SARS1: variants seen among roughly 807,000 people sequenced by gnomAD.
SARS1 encodes seryl-tRNA synthetase 1, also known as serine--tRNA ligase, cytoplasmic.
In SARS1, 25 loss-of-function variants were observed where a neutral mutation model predicts 63.7. The ratio of observed to expected loss-of-function variants is 0.39; its 90% CI spans 0.29 to 0.55. The LOEUF (loss-of-function observed/expected upper bound fraction) is 0.55, where lower values mean the gene tolerates loss of function less well. Among genes scored for constraint, SARS1 ranks in the 20% least tolerant of loss-of-function variants. The probability of loss-of-function intolerance (pLI) is 0.62; values close to 1 mark genes in which losing one functional copy is unlikely to be tolerated. For synonymous variants in SARS1, 231 were observed against 243.5 expected (o/e 0.95, Z 0.48); for missense variants, 417 against 649.7 (o/e 0.64, Z 3.89).
chr1:109,214,604 C>T lies in SARS1; in HGVS notation c.136+476C>T. ...CTGCAACACAGTAGATTCATTCCTTCGGTATCGGAAGCATTTCGGGGCGTT... is the reference window on the plus strand; with the variant it reads ...CTGCAACACAGTAGATTCATTCCTTTGGTATCGGAAGCATTTCGGGGCGTT... On this transcript the variant is annotated intron_variant, in intron 1 of 10. Transcript: ENST00000234677. This position sits in a 1 kb window ranked among gnomAD's most constrained non-coding sequence, Gnocchi z 4.6. The T allele has an allele frequency of 4.1e-6, 4 of 985,970 alleles. No homozygotes were observed. The highest frequency in any genetic ancestry group is 4.8e-6 in the Non-Finnish European group (4 of 830,282). The allele number at this position is 985,970 out of a possible 1,614,324, so 61.1% of individuals were successfully genotyped here.
intron 2 of SARS1, among the ~76,000 whole-genome samples, chr1:109,226,393 C>A (rs1194043391): frequency 6.7e-6 from 1 of 149,584 alleles, no homozygotes; most frequent in Admixed American, 6.7e-5. Context: ...GCTTTGTTGC[C>A]CAGGCTAGAG....
rs1654735231 is a variant in SARS1 at position 109,214,337 on chromosome 1, C to T, written c.136+209C>T. On this transcript the variant is annotated intron_variant, in intron 1 of 10. Coordinates refer to ENST00000234677, the MANE Select transcript of SARS1 (RefSeq NM_006513.4). The surrounding 1 kb of genome is among the most constrained non-coding windows in gnomAD (Gnocchi z 4.6). ...TCCTCCACCCGGGCGGAGCGAGGTC[C>T]CTTCCACGCGTGCTCAGTGCCGTTC... 6.6e-6 allele frequency among the ~76,000 whole-genome samples: 1 copy of T among 152,220 alleles called. No homozygotes were observed. Among genetic ancestry groups the T allele is most frequent in the Non-Finnish European group, 1.5e-5 (1 of 68,040 alleles).
At position 109,214,109 on chromosome 1, in the gene SARS1, A is replaced by G; in HGVS notation, c.117A>G (p.Ala39=). Residue 39 remains alanine, a synonymous_variant, in exon 1 of 11, where the codon GCA becomes GCG. Transcript: ENST00000234677. This position sits in a 1 kb window ranked among gnomAD's most constrained non-coding sequence, Gnocchi z 4.6. The part of the protein sequence containing the change: ...DPGLVDQLVK[A]DSEWRRCRFR... ...GACTAGTGGACCAGCTGGTGAAGGCAGACAGCGAGTGGCGACGATGTAAGT... is the reference window on the plus strand; with the variant it reads ...GACTAGTGGACCAGCTGGTGAAGGCGGACAGCGAGTGGCGACGATGTAAGT... The G allele has an allele frequency of 6.2e-7, 1 of 1,613,910 alleles. No individual in the cohort carries two copies. The highest frequency in any genetic ancestry group is 1.3e-5 in the African/African-American group (1 of 75,048).
chr1:109,233,305 C>T (rs968324577), intron 6 of SARS1, among the ~76,000 whole-genome samples: 1 of 152,060 alleles, frequency 6.6e-6, no homozygotes, highest in African/African-American at 2.4e-5. Context: ...GCCACTATGC[C>T]CAGCCCAATT....
At chr1:109,228,500 A>G (rs1655139347) in intron 3 of SARS1, 68 bp downstream of exon 3, 1 of 1,097,456 alleles carries the variant, frequency 9.1e-7, no homozygotes, top group Non-Finnish European at 1.4e-6. Context: ...CTAGACAGCA[A>G]GTGCTCTCAC....
In SARS1 at chr1:109,213,942, T is replaced by G. The variant is rs1049935320; in HGVS notation, c.-51T>G. 1.9e-6 allele frequency: 3 copies of G among 1,558,394 alleles called. No homozygotes were observed. The highest frequency in any genetic ancestry group is 2.4e-5 in the South Asian group (2 of 84,758). ...CGCAGTGCGGCGGTCACAGGCTGAGTGCTGCGGCGCGATCCTTGCTTCCCT... is the reference window on the plus strand; with the variant it reads ...CGCAGTGCGGCGGTCACAGGCTGAGGGCTGCGGCGCGATCCTTGCTTCCCT... On this transcript the variant is annotated 5_prime_UTR_variant, in exon 1 of 11. Transcript: ENST00000234677.
At chr1:109,220,372 CCAGTACTTGA>C (rs543552504) in intron 1 of SARS1, among the ~76,000 whole-genome samples, 85 of 152,338 alleles carry the variant, frequency 5.6e-4, no homozygotes, top group African/African-American at 1.9e-3. Flanking sequence ...GGCATTCTTG[CCAGTACTTGA>C]CATTGGCAGT....
intron 2 of SARS1, among the ~76,000 whole-genome samples, chr1:109,226,236 T>C (rs1400148525): frequency 6.6e-6 from 1 of 151,576 alleles, no homozygotes; most frequent in East Asian, 1.9e-4. Context: ...ATGATTTTGC[T>C]CTGAGTCACT....
At chr1:109,216,536 TCTG>T in intron 1 of SARS1, 1 of 985,306 alleles carries the variant, frequency 1.0e-6, no homozygotes, top group Non-Finnish European at 1.2e-6. Context: ...TAACTGGAAA[TCTG>T]CTGCAAACCC....
chr1:109,216,351 G>A, intron 1 of SARS1: 4 of 985,362 alleles, frequency 4.1e-6, no homozygotes, highest in Non-Finnish European at 4.8e-6. Flanking sequence ...GGGTTCCTTT[G>A]GAGAACTCAG....
chr1:109,221,955 T>TTG (rs1654937110), intron 1 of SARS1, among the ~76,000 whole-genome samples: 1 of 11,094 alleles, frequency 9.0e-5, no homozygotes, highest in Non-Finnish European at 1.4e-4. Context: ...GCTCAGCTAA[T>TTG]TTTTTTGTGT....
intron 6 of SARS1, among the ~76,000 whole-genome samples, chr1:109,233,676 T>G (rs1297260947): frequency 6.6e-6 from 1 of 151,810 alleles, no homozygotes; most frequent in Non-Finnish European, 1.5e-5. Context: ...AACTTAGCAT[T>G]ATTTTTAATT....
chr1:109,235,434 G>C lies in SARS1; in HGVS notation c.969+3G>C, dbSNP rs772726786. On this transcript the variant is annotated splice_donor_region_variant and intron_variant, in intron 7 of 10. Coordinates refer to ENST00000234677, the MANE Select transcript of SARS1 (RefSeq NM_006513.4). The surrounding 1 kb of genome is among the most constrained non-coding windows in gnomAD (Gnocchi z 4.7). ...TCCGAGTCCATCAGTTTGAGAAGGT[G>C]AGTAGATGGGTCAGGGTAAGGAGTG... is the stretch of plus-strand genomic sequence containing the variant. The C allele has an allele frequency of 8.1e-6, 13 of 1,609,034 alleles. No homozygotes were observed. The highest frequency in any genetic ancestry group is 1.1e-5 in the Non-Finnish European group (13 of 1,178,122).
intron 2 of SARS1, among the ~76,000 whole-genome samples, chr1:109,226,168 G>A (rs1246413263): frequency 1.0e-5 from 1 of 97,822 alleles, no homozygotes; most frequent in Admixed American, 1.2e-4. Context: ...TTTTTTTGTT[G>A]AGATGGAGTC....
chr1:109,233,339 T>TG (rs1655245374), intron 6 of SARS1, among the ~76,000 whole-genome samples: 2 of 152,154 alleles, frequency 1.3e-5, no homozygotes, highest in African/African-American at 4.8e-5. Context: ...CATGTGTGGC[T>TG]GGCTATACCA....
Position 109,237,770 on chromosome 1 carries a change from T to C in SARS1, c.1427T>C (p.Ile476Thr), listed in dbSNP as rs1655345607. ...ELIPFVKPAP[I>T]EQEPSKKQKK... The stretch of plus-strand genomic sequence containing the variant: ...ATCCCCTTTGTGAAGCCTGCGCCCA[T>C]TGAGCAGGAGCCATCAAAGAAGCAG... The change falls in exon 11 of 11, where the codon ATT becomes ACT. Residue 476 changes from isoleucine to threonine, a missense_variant. By Grantham distance (89) the Ile-to-Thr change is moderately conservative. Around this residue, in one of 3 missense-constraint regions of SARS1, gnomAD observed 43 missense variants for 68.1 expected, o/e 0.63. Transcript: ENST00000234677. This position sits in a 1 kb window ranked among gnomAD's most constrained non-coding sequence, Gnocchi z 4.1. 3.1e-6 allele frequency: 5 copies of C among 1,614,076 alleles called. No homozygotes were observed. Among genetic ancestry groups the C allele is most frequent in the South Asian group, 1.1e-5 (1 of 91,072 alleles).
rs373847424 is a variant in SARS1 at position 109,214,096 on chromosome 1, A to G, written c.104A>G (p.Gln35Arg). 2.6e-5 allele frequency: 42 copies of G among 1,614,128 alleles called. 1 individual carries two copies. In the African/African-American group the frequency reaches 5.5e-4, roughly 21 times the overall value. The change falls in exon 1 of 11, where the codon CAG (glutamine) becomes CGG (arginine). Residue 35 changes from glutamine (Q) to arginine (R), a missense_variant. Physicochemically the swap from Gln to Arg is conservative, Grantham distance 43 (BLOSUM62 1). This residue lies in a region of SARS1 where 359 missense variants were observed against 529.6 expected (regional missense o/e 0.68). Coordinates refer to ENST00000234677, the MANE Select transcript of SARS1 (RefSeq NM_006513.4). The surrounding 1 kb of genome is among the most constrained non-coding windows in gnomAD (Gnocchi z 4.6). ...TTCAAGGACCCGGGACTAGTGGACC[A>G]GCTGGTGAAGGCAGACAGCGAGTGG... The part of the protein sequence containing the change: ...KRFKDPGLVD[Q>R]LVKADSEWRR...
chr1:109,220,161 G>C (rs941117985), intron 1 of SARS1, among the ~76,000 whole-genome samples: 14 of 152,194 alleles, frequency 9.2e-5, no homozygotes, highest in Admixed American at 2.0e-4. Flanking sequence ...TATATTTTGT[G>C]ATAAGAACAT....
chr1:109,223,388 A>T (rs926155889), intron 1 of SARS1, among the ~76,000 whole-genome samples: 2 of 152,188 alleles, frequency 1.3e-5, no homozygotes, highest in African/African-American at 4.8e-5. Context: ...AGTTTTTCAG[A>T]TGTGTTACTC....
Sources: gnomAD v4.1 joint callset for allele counts (sites outside exome capture counted in the v4.1 genomes callset) on GRCh38, gnomAD v4.1.1 for gene constraint, gnomAD v4.1.1 regional missense constraint, Gnocchi (gnomAD v3.1) non-coding constraint, MANE v1.5 for transcripts, NCBI Gene and HGNC (gene_info 2026-07-23, HGNC 2026-07-21) for gene names.